Variants in GGA1 observed in about 807,000 individuals in gnomAD.
GGA1 encodes ADP-ribosylation factor-binding protein GGA1.
GGA1 carries 18 observed loss-of-function variants against 76.9 expected under a neutral mutation model. That is an observed-to-expected ratio of 0.23 (90% confidence interval 0.16 to 0.35). GGA1 has a LOEUF of 0.35. GGA1 is among the 10% of genes least tolerant of loss of function. The pLI is 1.00. For missense variants in GGA1, 755 were observed against 859.0 expected, an observed-to-expected ratio of 0.88 and a Z score of 1.51; for synonymous variants, 342 against 354.7, an observed-to-expected ratio of 0.96 and a Z score of 0.40.
At chr22:37,616,790 G>C (rs867702782) in intron 2 of GGA1, 132 bp from the exon 3 acceptor site, 1 of 1,120,826 alleles carries the variant, frequency 8.9e-7, no homozygotes, top group Admixed American at 3.3e-5. Context: ...CGGCGGGCTG[G>C]GGTGGTGACC....
chr22:37,614,337 A>G, intron 2 of GGA1, 63 bp downstream of exon 2: 2 of 1,178,000 alleles, frequency 1.7e-6, no homozygotes, highest in Non-Finnish European at 2.6e-6. Flanking sequence ...TCTCGGGTAC[A>G]ATGGCCTGGG....
chr22:37,614,517 A>G (rs1928380720), intron 2 of GGA1, among the ~76,000 whole-genome samples: 1 of 152,230 alleles, frequency 6.6e-6, no homozygotes, highest in Non-Finnish European at 1.5e-5. Context: ...CACATCTCAC[A>G]GGGAGAAAAT....
intron 1 of GGA1, chr22:37,613,837 C>T (rs1928225696): frequency 4.2e-6 from 1 of 237,786 alleles, no homozygotes; most frequent in Admixed American, 4.9e-5. Context: ...TTCTGGATCT[C>T]CTCTGAGCAT....
chr22:37,620,110 T>C, intron 4 of GGA1, 128 bp from the exon 5 acceptor site: 1 of 996,798 alleles, frequency 1.0e-6, no homozygotes, highest in Non-Finnish European at 1.6e-6. Context: ...TGGGCGGGGC[T>C]ATGAGGACCC....
Position 37,630,920 on chromosome 22 carries a change from C to G in GGA1, c.1349C>G (p.Thr450Ser). The G allele has an allele frequency of 6.2e-7, 1 of 1,608,020 alleles. No homozygotes were observed. The stretch of plus-strand genomic sequence containing the variant: ...CGATTAAGGGAGAAGCAGCAGCCAA[C>G]CCCCCGGCTCACACTCCGGGACCTG... The part of the protein sequence containing the change: ...QQVRWEKQQP[T>S]PRLTLRDLQN... The change falls in exon 14 of 17, where the codon ACC (threonine) becomes AGC (serine). Residue 450 changes from threonine to serine, a missense_variant. Transcript: ENST00000343632.
chr22:37,615,910 G>A (rs1301331547), intron 2 of GGA1, among the ~76,000 whole-genome samples: 7 of 150,952 alleles, frequency 4.6e-5, no homozygotes, highest in East Asian at 2.0e-4. Flanking sequence ...GCACGATCTC[G>A]GCTCACTGCA....
Position 37,620,371 on chromosome 22 carries a change from A to G in GGA1, c.427+10A>G. ...ATGCTAAAGAAGCAGGGTGAGGCAC[A>G]CAGAGGGTGGGGGGCGACCAGGGCC... is the stretch of plus-strand genomic sequence containing the variant. On this transcript the variant is annotated intron_variant, in intron 5 of 16. Transcript: ENST00000343632. 1.2e-6 allele frequency: 2 copies of G among 1,613,912 alleles called. No individual in the cohort carries two copies. The highest frequency in any genetic ancestry group is 8.5e-7 in the Non-Finnish European group (1 of 1,179,934).
Position 37,625,049 on chromosome 22 carries a change from G to A in GGA1, c.913G>A (p.Gly305Ser), listed in dbSNP as rs766250520. ...KQLVRGEEVN[G>S]DATAGSIPGS... ...GCTGGTGCGGGGTGAGGAGGTCAACGGTGATGCCACAGCCGGCTCCATCCC... is the reference window on the plus strand; with the variant it reads ...GCTGGTGCGGGGTGAGGAGGTCAACAGTGATGCCACAGCCGGCTCCATCCC... The change falls in exon 10 of 17, where the codon GGT becomes AGT. Residue 305 changes from glycine to serine, a missense_variant. Physicochemically the swap from Gly to Ser is moderately conservative, Grantham distance 56. Transcript: ENST00000343632. This position sits in a 1 kb window ranked among gnomAD's most constrained non-coding sequence, Gnocchi z 4.1. 16 of 1,599,572 alleles carry A rather than the reference G, an allele frequency of 1.0e-5. No individual in the cohort carries two copies. Among genetic ancestry groups the A allele is most frequent in the Middle Eastern group, 2.2e-4 (1 of 4,516 alleles).
chr22:37,612,003 A>C (rs1927707994), intron 1 of GGA1, among the ~76,000 whole-genome samples: 1 of 151,974 alleles, frequency 6.6e-6, no homozygotes, highest in African/African-American at 2.4e-5. Flanking sequence ...AATACAAAAA[A>C]ATTAGCTGGG....
chr22:37,609,695 G>A (rs1263170927), intron 1 of GGA1, among the ~76,000 whole-genome samples: 1 of 152,038 alleles, frequency 6.6e-6, no homozygotes, highest in East Asian at 1.9e-4. Context: ...TTAACCCACA[G>A]CCCTGATGAT....
chr22:37,631,533 C>T (rs773477648), intron 14 of GGA1, among the ~76,000 whole-genome samples: 11 of 152,320 alleles, frequency 7.2e-5, no homozygotes, highest in Non-Finnish European at 1.5e-4. Flanking sequence ...TGGTGGTCCT[C>T]AGCATTGCCC....
At chr22:37,629,195 G>A (rs1177531752) in intron 11 of GGA1, among the ~76,000 whole-genome samples, 5 of 152,186 alleles carry the variant, frequency 3.3e-5, no homozygotes, top group African/African-American at 1.2e-4. Context: ...TGAAAGTCCT[G>A]ATGTCTATTG....
rs1274064732 is a variant in GGA1, at chr22:37,617,416, A to G, written c.204+419A>G. On this transcript the variant is annotated intron_variant, in intron 3 of 16. Coordinates refer to ENST00000343632, the MANE Select transcript of GGA1 (RefSeq NM_013365.5). ...CTTGGGCTCAGGCCTGAGGTTTTGC[A>G]TCTGTTCAATAGCAGAGGAGAGAGG... is the stretch of plus-strand genomic sequence containing the variant. 6 of 1,063,730 alleles carry G rather than the reference A, an allele frequency of 5.6e-6. No individual in the cohort carries two copies. In the African/African-American group the frequency reaches 6.9e-5, roughly 12 times the overall value. 65.9% of individuals were successfully genotyped at this position (1,063,730 alleles called of 1,614,324 possible).
chr22:37,618,361 G>A, intron 3 of GGA1, 87 bp from the exon 4 acceptor site: 1 of 736,998 alleles, frequency 1.4e-6, no homozygotes, highest in Non-Finnish European at 2.4e-6. Context: ...CCACCCATGG[G>A]CTTCTGGCCC....
chr22:37,620,716 C>G (rs759246312), intron 5 of GGA1, 97 bp from the exon 6 acceptor site: 1 of 804,752 alleles, frequency 1.2e-6, no homozygotes, highest in East Asian at 2.4e-5. Flanking sequence ...ACTGACCTCC[C>G]TCTTCTGTCC....
At position 37,632,354 on chromosome 22, in the gene GGA1, G is replaced by A. The variant is rs374910566; in HGVS notation, c.1699-51G>A. The stretch of plus-strand genomic sequence containing the variant: ...GGCAGGCTGGGCCTGGTTCCTCAGA[G>A]CAGGACAAGCAGCCAGGGCTAGCTG... On this transcript the variant is annotated intron_variant, in intron 15 of 16. Transcript: ENST00000343632. The surrounding 1 kb of genome is among the most constrained non-coding windows in gnomAD (Gnocchi z 5.1). 7.8e-5 allele frequency: 112 copies of A among 1,433,742 alleles called. No individual in the cohort carries two copies. The highest frequency in any genetic ancestry group is 1.0e-4 in the Non-Finnish European group (104 of 1,016,538). 88.8% of individuals were successfully genotyped at this position (1,433,742 alleles called of 1,614,324 possible). A position where few individuals can be genotyped will look rare whatever the true frequency, so the allele number is the denominator to read the frequency against.
At position 37,630,042 on chromosome 22, in the gene GGA1, C is replaced by A. The variant is rs761047461; in HGVS notation, c.1203C>A (p.Ala401=). ...TEPPAPALAQ[A]PSMESRPPAQ... ...CCCCAGCCCCTGCTCTGGCCCAGGC[C>A]CCCAGTATGGAAAGCCGACCCCCAG... Residue 401 remains alanine (A), a synonymous_variant, in exon 13 of 17, where the codon GCC becomes GCA. Coordinates refer to ENST00000343632, the MANE Select transcript of GGA1 (RefSeq NM_013365.5). The A allele has an allele frequency of 6.2e-6, 10 of 1,602,030 alleles. No individual in the cohort carries two copies. In the East Asian group the frequency reaches 2.3e-4, roughly 36 times the overall value.
rs1931991050 is a variant in GGA1, at chr22:37,632,436, G to A, written c.1730G>A (p.Gly577Asp). 6.2e-7 allele frequency: 1 copy of A among 1,613,458 alleles called. No individual in the cohort carries two copies. Residue 577 changes from glycine (G) to aspartate (D), a missense_variant, in exon 16 of 17, where the codon GGC becomes GAC. By Grantham distance (94) the Gly-to-Asp change is moderately conservative. Coordinates refer to ENST00000343632, the MANE Select transcript of GGA1 (RefSeq NM_013365.5). The surrounding 1 kb of genome is among the most constrained non-coding windows in gnomAD (Gnocchi z 5.1). ...VMKVKLQPPS[G>D]TELPAFNPIV... ...AAGGTGAAGCTGCAGCCACCCTCGGGCACGGAGCTGCCAGCTTTTAACCCC... is the reference window on the plus strand; with the variant it reads ...AAGGTGAAGCTGCAGCCACCCTCGGACACGGAGCTGCCAGCTTTTAACCCC...
intron 1 of GGA1, chr22:37,609,140 C>T (rs1016962626): frequency 2.7e-6 from 4 of 1,469,544 alleles, no homozygotes; most frequent in Non-Finnish European, 3.6e-6. Flanking sequence ...TGGGCCATGA[C>T]CCCTGGGACG....
Sources: allele counts gnomAD v4.1 joint callset (sites outside exome capture counted in the v4.1 genomes callset), GRCh38; gene constraint gnomAD v4.1.1; non-coding constraint Gnocchi (gnomAD v3.1); transcripts MANE v1.5; gene names NCBI Gene and HGNC (gene_info 2026-07-23, HGNC 2026-07-21).